The following COLEC10 variants were observed in gnomAD, a reference collection of about 807,000 sequenced individuals.
The protein encoded by COLEC10 is collectin subfamily member 10, also known as collectin-10.
In COLEC10, 22 loss-of-function variants were observed where a neutral mutation model predicts 28.4. That is an observed-to-expected ratio of 0.78 (90% CI 0.55 to 1.11). The LOEUF is 1.11. COLEC10 is among the 50% of genes least tolerant of loss of function. The pLI is 0.00. For missense variants in COLEC10, 361 were observed against 344.1 expected, an observed-to-expected ratio of 1.05 and a Z score of -0.39; for synonymous variants, 125 against 116.1, an observed-to-expected ratio of 1.08 and a Z score of -0.49.
In COLEC10 at chr8:119,093,759, T is replaced by G. The variant is rs188354296; in HGVS notation, c.292+2539T>G. Among the ~76,000 whole-genome samples the G allele has an allele frequency of 2.3e-3, 345 of 152,300 alleles. 4 individuals carry two copies. Among genetic ancestry groups the G allele is most frequent in the African/African-American group, 7.0e-3 (290 of 41,564 alleles). On this transcript the variant is annotated intron_variant, in intron 3 of 5. Transcript: ENST00000332843. ...ATACCACCCATGGATGATATATTTG[T>G]TTAGGTATTCTGTGTATGTTTGTGC...
In COLEC10 at chr8:119,014,628, G is replaced by A. The variant is rs192488064; in HGVS notation, n.235+5075G>A. Among the ~76,000 whole-genome samples the A allele has an allele frequency of 2.1e-3, 311 of 150,668 alleles. 3 individuals carry two copies. Among genetic ancestry groups the A allele is most frequent in the Non-Finnish European group, 2.9e-3 (194 of 67,972 alleles). ...TTTCATGTCTGATAATAATTTGGGG[G>A]AAATTATCAAATATTTTCTCTGTTC... On this transcript the variant is annotated intron_variant and non_coding_transcript_variant, in intron 2 of 6. Transcript: ENST00000521788.
At chr8:119,050,066 T>G (rs1814650753) in intron 2 of COLEC10, among the ~76,000 whole-genome samples, 2 of 152,146 alleles carry the variant, frequency 1.3e-5, no homozygotes, top group South Asian at 4.1e-4. Context: ...AAGCAACTCT[T>G]TCCTGGTAAT....
At chr8:119,052,666 C>T (rs1477372100) in intron 2 of COLEC10, among the ~76,000 whole-genome samples, 1 of 152,098 alleles carries the variant, frequency 6.6e-6, no homozygotes, top group Non-Finnish European at 1.5e-5. Context: ...AGCAAGCCCG[C>T]CCTCTCCCAA....
At chr8:118,981,760 AGATGTTTGAATCCTGCTATT>A in the COLEC10 span, among the ~76,000 whole-genome samples, 1 of 152,182 alleles carries the variant, frequency 6.6e-6, no homozygotes, top group South Asian at 2.1e-4. Context: ...ATATGGTCAG[AGATGTTTGAATCCTGCTATT>A]GATGTATTTT....
chr8:119,036,866 G>A (rs754963095), intron 2 of COLEC10, among the ~76,000 whole-genome samples: 2 of 152,174 alleles, frequency 1.3e-5, no homozygotes, highest in South Asian at 2.1e-4. Context: ...AGAGGAGGGA[G>A]CAAATACTGA....
At chr8:119,016,868 C>A (rs917205825) in intron 2 of COLEC10, among the ~76,000 whole-genome samples, 1 of 152,098 alleles carries the variant, frequency 6.6e-6, no homozygotes. Flanking sequence ...AGGTACCCAC[C>A]ACCACGCCCA....
At chr8:119,001,806 G>T (rs533933968) in intron 1 of COLEC10, among the ~76,000 whole-genome samples, 1 of 152,296 alleles carries the variant, frequency 6.6e-6, no homozygotes, top group East Asian at 1.9e-4. Context: ...GAATCAGAGA[G>T]AACCACTTTC....
chr8:119,051,442 T>C (rs1814671358), intron 2 of COLEC10, among the ~76,000 whole-genome samples: 1 of 152,322 alleles, frequency 6.6e-6, no homozygotes, highest in Non-Finnish European at 1.5e-5. Context: ...AAGATGGAGA[T>C]AATTTATCTA....
At chr8:119,086,671 G>A (rs1815487283) in intron 1 of COLEC10, among the ~76,000 whole-genome samples, 2 of 152,292 alleles carry the variant, frequency 1.3e-5, no homozygotes, top group African/African-American at 4.8e-5. Flanking sequence ...TTAGACATTT[G>A]CTTGAAAACA....
At chr8:119,065,858 AAAAAAAAAAG>A (rs1423432069), upstream of COLEC10, among the ~76,000 whole-genome samples, 1 of 151,296 alleles carries the variant, frequency 6.6e-6, no homozygotes, top group Non-Finnish European at 1.5e-5. Flanking sequence ...TCCATCTCAA[AAAAAAAAAAG>A]AAAAAAGAAA....
At chr8:119,032,914 A>G in intron 2 of COLEC10, among the ~76,000 whole-genome samples, 1 of 152,196 alleles carries the variant, frequency 6.6e-6, no homozygotes, top group East Asian at 1.9e-4. Flanking sequence ...AATAAAGCCA[A>G]ACCAAACCAA....
At position 119,107,969 on chromosome 8, in the gene COLEC10, T is replaced by A. The variant is rs1232682568; in HGVS notation, c.*1778T>A. ...CTAGCTAAAGTTGTGATCATTTCAT[T>A]TCTTACTTCTGGAGGAAGGTTCAGA... On this transcript the variant is annotated 3_prime_UTR_variant, in exon 6 of 6. Transcript: ENST00000332843. Among the ~76,000 whole-genome samples the A allele has an allele frequency of 2.0e-5, 3 of 152,194 alleles. No homozygotes were observed. Among genetic ancestry groups the A allele is most frequent in the Non-Finnish European group, 4.4e-5 (3 of 68,028 alleles).
At chr8:118,973,642 T>C in the COLEC10 span, among the ~76,000 whole-genome samples, 1 of 152,126 alleles carries the variant, frequency 6.6e-6, no homozygotes, top group East Asian at 1.9e-4. Flanking sequence ...CCACATTTTA[T>C]TGGTTATAAG....
chr8:119,092,228 C>T lies in COLEC10; in HGVS notation c.292+1008C>T, dbSNP rs150680514. On this transcript the variant is annotated intron_variant, in intron 3 of 5. Coordinates refer to ENST00000332843, the MANE Select transcript of COLEC10 (RefSeq NM_006438.5). ...GGGACTACAGATGCCCACCACCACG[C>T]CCAGCTGATTTTTTGTATTTTTAGT... Among the ~76,000 whole-genome samples the T allele has an allele frequency of 2.2e-3, 327 of 152,034 alleles. 1 individual carries two copies. Among genetic ancestry groups the T allele is most frequent in the African/African-American group, 7.5e-3 (313 of 41,462 alleles).
At chr8:119,067,132 C>T (rs3829048), upstream of COLEC10, 33,623 of 691,798 alleles carry the variant, frequency 0.049, 2,258 homozygotes, top group African/African-American at 0.21. Flanking sequence ...AAATAAACAA[C>T]CTAGGGTATG....
At chr8:119,092,395 C>G (rs1000108351) in intron 3 of COLEC10, among the ~76,000 whole-genome samples, 1 of 152,064 alleles carries the variant, frequency 6.6e-6, no homozygotes, top group African/African-American at 2.4e-5. Flanking sequence ...TCATTAAAGC[C>G]TGAATATTAG....
chr8:119,096,073 C>T (rs867474084), intron 3 of COLEC10, among the ~76,000 whole-genome samples: 2 of 151,918 alleles, frequency 1.3e-5, no homozygotes, highest in African/African-American at 2.4e-5. Flanking sequence ...ATAATAATCT[C>T]GATCCCATAC....
chr8:119,051,248 T>C (rs1485561966), intron 2 of COLEC10, among the ~76,000 whole-genome samples: 1 of 152,202 alleles, frequency 6.6e-6, no homozygotes, highest in Non-Finnish European at 1.5e-5. Flanking sequence ...TTTTCCTAGA[T>C]TACTGTTTCA....
At chr8:119,054,909 C>T (rs953409987) in intron 2 of COLEC10, among the ~76,000 whole-genome samples, 1 of 151,844 alleles carries the variant, frequency 6.6e-6, no homozygotes, top group Non-Finnish European at 1.5e-5. Context: ...AAAATGAAGG[C>T]TATTTTCTTG....
Sources: allele counts gnomAD v4.1 joint callset (sites outside exome capture counted in the v4.1 genomes callset), GRCh38; gene constraint gnomAD v4.1.1; transcripts MANE v1.5; gene names NCBI Gene and HGNC (gene_info 2026-07-23, HGNC 2026-07-21).